NFIX: variants seen among roughly 807,000 people sequenced by gnomAD.
NFIX encodes the protein nuclear factor 1 X-type.
Under a neutral mutation model 53.3 loss-of-function variants are expected in NFIX, and 2 were observed. The observed-to-expected ratio is 0.04, with a 90% CI of 0.02 to 0.12. The LOEUF (loss-of-function observed/expected upper bound fraction) is 0.12, where lower values mean the gene tolerates loss of function less well. Among genes scored for constraint, NFIX ranks in the 10% least tolerant of loss-of-function variants. The probability of loss-of-function intolerance (pLI) is 1.00; values close to 1 mark genes in which losing one functional copy is unlikely to be tolerated. For synonymous variants in NFIX, 244 were observed against 289.0 expected (o/e 0.84, Z 1.58); for missense variants, 310 against 674.5 (o/e 0.46, Z 5.99).
At chr19:13,076,134 A>G (rs1239145445) in intron 6 of NFIX, among the ~76,000 whole-genome samples, 1 of 151,724 alleles carries the variant, frequency 6.6e-6, no homozygotes, top group African/African-American at 2.4e-5. Context: ...CCCCACCCCC[A>G]GTTTTGATGA....
rs1352050533 is a variant in NFIX at position 13,060,266 on chromosome 19, G to A, written c.560-12781G>A. ...AGTCCCCACCTCTCAGAGGGACCTAGTACAGAGCCCAGCCCCCACTCTGAG... is the reference window on the plus strand; with the variant it reads ...AGTCCCCACCTCTCAGAGGGACCTAATACAGAGCCCAGCCCCCACTCTGAG... On this transcript the variant is annotated intron_variant, in intron 2 of 10. Transcript: ENST00000592199. This position sits in a 1 kb window ranked among gnomAD's most constrained non-coding sequence, Gnocchi z 4.3. 3.3e-5 allele frequency among the ~76,000 whole-genome samples: 5 copies of A among 152,226 alleles called. No homozygotes were observed. The highest frequency in any genetic ancestry group is 1.2e-4 in the African/African-American group (5 of 41,464).
chr19:13,032,816 G>A (rs1298775818), intron 2 of NFIX, among the ~76,000 whole-genome samples: 1 of 152,150 alleles, frequency 6.6e-6, no homozygotes, highest in Non-Finnish European at 1.5e-5. Context: ...CCAAGGTTTC[G>A]AACAAGAGAC....
Position 13,056,897 on chromosome 19 carries a change from C to G in NFIX, c.560-16150C>G, listed in dbSNP as rs562522580. On this transcript the variant is annotated intron_variant, in intron 2 of 10. Transcript: ENST00000592199. ...CTGGTTCAGGGGCTGTGGCCTTTGC[C>G]CTGATCTGAAACAGGAGGTTCCACC... Among the ~76,000 whole-genome samples the G allele has an allele frequency of 9.8e-5, 15 of 152,364 alleles. No individual in the cohort carries two copies. The East Asian group carries it at 2.9e-3, about 29-fold the overall frequency.
In NFIX at chr19:13,021,318, A is replaced by G. The variant is rs2012945617; in HGVS notation, c.28-3703A>G. Reference sequence around the variant, plus strand: ...TAACCGTTTCTTTCAGGGATCAGCCATGAGCTCAGTTCACTTGAGATGGAT... The same window carrying G: ...TAACCGTTTCTTTCAGGGATCAGCCGTGAGCTCAGTTCACTTGAGATGGAT... On this transcript the variant is annotated intron_variant, in intron 1 of 10. Coordinates refer to ENST00000592199, the MANE Select transcript of NFIX (RefSeq NM_001365902.3). This position sits in a 1 kb window ranked among gnomAD's most constrained non-coding sequence, Gnocchi z 4.2. 6.6e-6 allele frequency among the ~76,000 whole-genome samples: 1 copy of G among 152,148 alleles called. No homozygotes were observed. The highest frequency in any genetic ancestry group is 1.5e-5 in the Non-Finnish European group (1 of 68,014).
intron 2 of NFIX, among the ~76,000 whole-genome samples, chr19:13,044,031 TGGAA>T (rs1376056551): frequency 3.9e-5 from 6 of 152,184 alleles, no homozygotes; most frequent in African/African-American, 1.4e-4. Context: ...ATTCGGCCCA[TGGAA>T]GCGTAAGTGT....
At chr19:12,997,030 G>A (rs2011494867) in intron 1 of NFIX, among the ~76,000 whole-genome samples, 1 of 152,248 alleles carries the variant, frequency 6.6e-6, no homozygotes, top group Non-Finnish European at 1.5e-5. Context: ...GCTTAGCCCT[G>A]CTGCCAGCCA....
chr19:13,069,133 AAGC>A (rs1180533953), intron 2 of NFIX, among the ~76,000 whole-genome samples: 1 of 151,954 alleles, frequency 6.6e-6, no homozygotes, highest in Non-Finnish European at 1.5e-5. Flanking sequence ...GGGCGAGGGG[AAGC>A]AGCAGCACCC....
rs540225052 is a variant in NFIX at position 13,088,665 on chromosome 19, C to T, written c.1402+529C>T. Among the ~76,000 whole-genome samples the T allele has an allele frequency of 1.3e-5, 2 of 151,636 alleles. No homozygotes were observed. Among genetic ancestry groups the T allele is most frequent in the Non-Finnish European group, 2.9e-5 (2 of 67,880 alleles). On this transcript the variant is annotated intron_variant, in intron 9 of 10. Transcript: ENST00000592199. This position sits in a 1 kb window ranked among gnomAD's most constrained non-coding sequence, Gnocchi z 5.9. Reference sequence around the variant, plus strand: ...GCCTCAAAGACGCAGCAGGCCAGCCCGACCCCTTCCCCCTCAGTCTCACAT... The same window carrying T: ...GCCTCAAAGACGCAGCAGGCCAGCCTGACCCCTTCCCCCTCAGTCTCACAT...
In NFIX at chr19:13,012,594, G is replaced by A. The variant is rs1388250002; in HGVS notation, c.28-12427G>A. On this transcript the variant is annotated intron_variant, in intron 1 of 10. Coordinates refer to ENST00000592199, the MANE Select transcript of NFIX (RefSeq NM_001365902.3). The surrounding 1 kb of genome is among the most constrained non-coding windows in gnomAD (Gnocchi z 5.0). ...AGGCTAGTTTGTCCCCCAGGCGCGC[G>A]GGGGTTGGGGGTTCAGGGCCGCCTG... Among the ~76,000 whole-genome samples the A allele has an allele frequency of 5.3e-5, 8 of 152,238 alleles. No individual in the cohort carries two copies. In the East Asian group the frequency reaches 1.5e-3, roughly 29 times the overall value.
At position 13,078,837 on chromosome 19, in the gene NFIX, C is replaced by T; in HGVS notation, c.1078+102C>T. On this transcript the variant is annotated intron_variant, in intron 7 of 10. Coordinates refer to ENST00000592199, the MANE Select transcript of NFIX (RefSeq NM_001365902.3). This position sits in a 1 kb window ranked among gnomAD's most constrained non-coding sequence, Gnocchi z 4.7. ...GGCCAGAGCTGACCCCGAGTGACAGCCCCACGCTCTCCAAGTGGGCCAAGG... is the reference window on the plus strand; with the variant it reads ...GGCCAGAGCTGACCCCGAGTGACAGTCCCACGCTCTCCAAGTGGGCCAAGG... 7.4e-7 allele frequency: 1 copy of T among 1,345,976 alleles called. No homozygotes were observed. Among genetic ancestry groups the T allele is most frequent in the Non-Finnish European group, 1.0e-6 (1 of 1,001,880 alleles). The allele number at this position is 1,345,976 out of a possible 1,614,324, so 83.4% of individuals were successfully genotyped here. A position where few individuals can be genotyped will look rare whatever the true frequency, so the allele number is the denominator to read the frequency against.
Position 13,014,868 on chromosome 19 carries a change from T to C in NFIX, c.28-10153T>C, listed in dbSNP as rs1016688357. Among the ~76,000 whole-genome samples, 14 of 151,476 alleles carry C rather than the reference T, an allele frequency of 9.2e-5. No individual in the cohort carries two copies. The highest frequency in any genetic ancestry group is 3.4e-4 in the African/African-American group (14 of 40,958). Reference sequence around the variant, plus strand: ...CTGCAGAGGTTCGGCTCTGGGCTGGTGGTAGGGGGCTGGTGGTAGGCGAGG... The same window carrying C: ...CTGCAGAGGTTCGGCTCTGGGCTGGCGGTAGGGGGCTGGTGGTAGGCGAGG... On this transcript the variant is annotated intron_variant, in intron 1 of 10. Transcript: ENST00000592199. The surrounding 1 kb of genome is among the most constrained non-coding windows in gnomAD (Gnocchi z 4.4).
At chr19:13,024,553 C>T (rs777449438) in intron 1 of NFIX, 2 of 1,530,750 alleles carry the variant, frequency 1.3e-6, no homozygotes, top group Non-Finnish European at 1.8e-6. Flanking sequence ...CCGCACGCCC[C>T]CGCGTGTGCG....
intron 1 of NFIX, among the ~76,000 whole-genome samples, chr19:13,017,093 G>T (rs956892685): frequency 3.9e-5 from 6 of 152,182 alleles, no homozygotes; most frequent in Non-Finnish European, 7.3e-5. Context: ...TCTCTTGTGT[G>T]TGCTGAATCG....
chr19:13,004,820 C>CT (rs61430205), intron 1 of NFIX, among the ~76,000 whole-genome samples: 8,323 of 136,794 alleles, frequency 0.061, 390 homozygotes, highest in African/African-American at 0.13. Context: ...AAGCTAGGTT[C>CT]TTTTTTTTTT....
chr19:13,088,042 G>A lies in NFIX; in HGVS notation c.1308G>A (p.Pro436=). ...KVPGSFLLPP[P]PPVARPVPLP... ...CGGGGTCATTTTTGCTACCGCCGCC[G>A]CCTCCAGTGGCCAGACCTGTGCCCC... Residue 436 remains proline (P), a synonymous_variant, in exon 9 of 11, where the codon CCG becomes CCA. Transcript: ENST00000592199. The surrounding 1 kb of genome is among the most constrained non-coding windows in gnomAD (Gnocchi z 5.9). 2 of 1,536,190 alleles carry A rather than the reference G, an allele frequency of 1.3e-6. No individual in the cohort carries two copies. Among genetic ancestry groups the A allele is most frequent in the Non-Finnish European group, 1.7e-6 (2 of 1,146,928 alleles).
chr19:12,997,839 C>A (rs1212630649), intron 1 of NFIX, among the ~76,000 whole-genome samples: 2 of 152,192 alleles, frequency 1.3e-5, no homozygotes, highest in African/African-American at 4.8e-5. Flanking sequence ...GGCTGCGAGA[C>A]CCAGGGCGAT....
At position 13,073,769 on chromosome 19, in the gene NFIX, G is replaced by A. The variant is rs1465182369; in HGVS notation, c.698-137G>A. Reference sequence around the variant, plus strand: ...TGGGAGGAGGTTCCTCAGCAGCCCAGATGGCCCACTTTCTCCCATCTCCTG... The same window carrying A: ...TGGGAGGAGGTTCCTCAGCAGCCCAAATGGCCCACTTTCTCCCATCTCCTG... On this transcript the variant is annotated intron_variant, in intron 4 of 10. Transcript: ENST00000592199. The surrounding 1 kb of genome is among the most constrained non-coding windows in gnomAD (Gnocchi z 4.5). 1 of 1,208,880 alleles carries A rather than the reference G, an allele frequency of 8.3e-7. No homozygotes were observed. Among genetic ancestry groups the A allele is most frequent in the East Asian group, 2.5e-5 (1 of 39,360 alleles). 74.9% of individuals were successfully genotyped at this position (1,208,880 alleles called of 1,614,324 possible).
At chr19:13,017,618 C>T (rs2012737591) in intron 1 of NFIX, among the ~76,000 whole-genome samples, 1 of 152,062 alleles carries the variant, frequency 6.6e-6, no homozygotes, top group Non-Finnish European at 1.5e-5. Flanking sequence ...AAGACCTCTG[C>T]CTTTTGGGTT....
rs867280318 is a variant in NFIX, at chr19:13,019,736, T to A, written c.28-5285T>A. 2.0e-5 allele frequency among the ~76,000 whole-genome samples: 3 copies of A among 150,376 alleles called. No homozygotes were observed. In the East Asian group the frequency reaches 5.8e-4, roughly 29 times the overall value. On this transcript the variant is annotated intron_variant, in intron 1 of 10. Coordinates refer to ENST00000592199, the MANE Select transcript of NFIX (RefSeq NM_001365902.3). ...GGTTTTTTTTTTGTTTGTTTGTTTT[T>A]TTTTTTTTTTTACCAAATAGTACTC...
Sources: allele counts gnomAD v4.1 joint callset (sites outside exome capture counted in the v4.1 genomes callset), GRCh38; gene constraint gnomAD v4.1.1; non-coding constraint Gnocchi (gnomAD v3.1); transcripts MANE v1.5; gene names NCBI Gene and HGNC (gene_info 2026-07-23, HGNC 2026-07-21).